The following LYN variants were observed in gnomAD, a reference collection of about 807,000 sequenced individuals.
LYN encodes the protein LYN proto-oncogene, Src family tyrosine kinase.
LYN carries 12 observed loss-of-function variants against 65.0 expected under a neutral mutation model. That is an observed-to-expected ratio of 0.18 (90% CI 0.12 to 0.30). The LOEUF is 0.30. LYN is among the 10% of genes least tolerant of loss of function. The probability of loss-of-function intolerance (pLI) is 1.00; values close to 1 mark genes in which losing one functional copy is unlikely to be tolerated. For synonymous variants in LYN, 222 were observed against 221.2 expected (o/e 1.00, Z -0.03); for missense variants, 380 against 623.2 (o/e 0.61, Z 4.16).
At position 56,007,742 on chromosome 8, in the gene LYN, G is replaced by A. The variant is rs78151910; in HGVS notation, c.1337-2166G>A. Among the ~76,000 whole-genome samples the A allele has an allele frequency of 7.7e-3, 1,173 of 152,268 alleles. 13 individuals carry two copies. Among genetic ancestry groups the A allele is most frequent in the African/African-American group, 0.022 (919 of 41,542 alleles). On this transcript the variant is annotated intron_variant, in intron 12 of 12. Coordinates refer to ENST00000519728, the MANE Select transcript of LYN (RefSeq NM_002350.4). Reference sequence around the variant, plus strand: ...AACCTACTCTGTACATAAAGCAAACGTTTCATAAAACCATATTGACCTTTC... The same window carrying A: ...AACCTACTCTGTACATAAAGCAAACATTTCATAAAACCATATTGACCTTTC...
chr8:55,912,616 A>G (rs969550590), intron 1 of LYN, among the ~76,000 whole-genome samples: 2 of 151,920 alleles, frequency 1.3e-5, no homozygotes, highest in East Asian at 3.9e-4. Flanking sequence ...AATCCCAGCT[A>G]CTCAGGAGGC....
intron 8 of LYN, among the ~76,000 whole-genome samples, chr8:55,957,431 A>G (rs981595908): frequency 2.0e-5 from 3 of 152,332 alleles, no homozygotes; most frequent in South Asian, 2.1e-4. Context: ...AGAAATGTAG[A>G]GGGAGGTTAA....
Position 55,879,950 on chromosome 8 carries a change from C to T in LYN, c.-159C>T, listed in dbSNP as rs1416568898. On this transcript the variant is annotated 5_prime_UTR_variant, in exon 1 of 13. Coordinates refer to ENST00000519728, the MANE Select transcript of LYN (RefSeq NM_002350.4). ...GCAAGCGGGGCGGCCGCGCCACCCC[C>T]GGCCCCGCGCCAGCAGCCCCTCGCC... The T allele has an allele frequency of 9.0e-6, 2 of 221,154 alleles. No individual in the cohort carries two copies. The highest frequency in any genetic ancestry group is 1.1e-4 in the Admixed American group (2 of 18,746). 13.7% of individuals were successfully genotyped at this position (221,154 alleles called of 1,614,324 possible).
intron 12 of LYN, among the ~76,000 whole-genome samples, chr8:56,001,500 A>T (rs1808510503): frequency 1.3e-5 from 2 of 152,150 alleles, no homozygotes; most frequent in Admixed American, 1.3e-4. Flanking sequence ...GGCAGGGACC[A>T]GTTGGCAGCT....
intron 2 of LYN, among the ~76,000 whole-genome samples, chr8:55,942,823 A>T (rs768711450): frequency 6.6e-6 from 1 of 150,590 alleles, no homozygotes; most frequent in Non-Finnish European, 1.5e-5. Context: ...AGATTAGCTC[A>T]GTGGTTTAGA....
chr8:55,998,198 GCCATTAC>G, intron 10 of LYN, 141 bp from the exon 11 acceptor site: 1 of 520,244 alleles, frequency 1.9e-6, no homozygotes, highest in Non-Finnish European at 3.4e-6. Context: ...AATGGTGATT[GCCATTAC>G]CCACTGTCTT....
At chr8:55,938,517 T>C (rs1167650127) in intron 1 of LYN, among the ~76,000 whole-genome samples, 1 of 152,246 alleles carries the variant, frequency 6.6e-6, no homozygotes, top group East Asian at 1.9e-4. Context: ...ATGACGTCCC[T>C]GGCCCTTCTT....
chr8:55,951,902 T>C, intron 6 of LYN, 64 bp from the exon 7 acceptor site: 2 of 1,335,406 alleles, frequency 1.5e-6, no homozygotes, highest in East Asian at 4.7e-5. Context: ...TGTACTGCAG[T>C]TGTTGTATAA....
intron 1 of LYN, among the ~76,000 whole-genome samples, chr8:55,935,114 G>A (rs1016796085): frequency 5.3e-5 from 8 of 152,104 alleles, no homozygotes; most frequent in South Asian, 4.1e-4. Flanking sequence ...TCCCGGCACC[G>A]AAACAGCATT....
intron 8 of LYN, among the ~76,000 whole-genome samples, chr8:55,956,811 C>T (rs1807130185): frequency 6.6e-6 from 1 of 152,116 alleles, no homozygotes; most frequent in Non-Finnish European, 1.5e-5. Flanking sequence ...AAACCAGGAT[C>T]GCAATCACAC....
At chr8:55,897,332 C>T (rs1805143722) in intron 1 of LYN, among the ~76,000 whole-genome samples, 2 of 152,142 alleles carry the variant, frequency 1.3e-5, no homozygotes, top group Admixed American at 6.5e-5. Context: ...CTTCCCTCCT[C>T]CTCATAATAA....
intron 10 of LYN, among the ~76,000 whole-genome samples, chr8:55,988,880 G>GA (rs561858676): frequency 0.017 from 2,356 of 142,184 alleles, 46 homozygotes; most frequent in African/African-American, 0.052. Context: ...TCATTAAAGT[G>GA]AAAAAAAAAA....
At position 56,010,379 on chromosome 8, in the gene LYN, T is replaced by TTTTTTTAA; in HGVS notation, c.*270_*271insTTTTTAAT. On this transcript the variant is annotated 3_prime_UTR_variant, in exon 13 of 13. Transcript: ENST00000519728. The stretch of plus-strand genomic sequence containing the variant: ...CTTGACAACATCTGAGTGCAGCCGT[T>TTTTTTTAA]TGAGAAGAAAACATCTATTCTCTCC... The TTTTTTTAA allele has an allele frequency of 2.2e-6, 1 of 445,928 alleles. No individual in the cohort carries two copies. The highest frequency in any genetic ancestry group is 4.1e-6 in the Non-Finnish European group (1 of 242,542). 27.6% of individuals were successfully genotyped at this position (445,928 alleles called of 1,614,324 possible).
chr8:55,928,966 G>A (rs1349355673), intron 1 of LYN, among the ~76,000 whole-genome samples: 2 of 152,026 alleles, frequency 1.3e-5, no homozygotes, highest in Non-Finnish European at 2.9e-5. Context: ...TGTAAGATCC[G>A]GGTCTAGATT....
intron 7 of LYN, among the ~76,000 whole-genome samples, chr8:55,952,495 G>C (rs1213771030): frequency 6.6e-6 from 1 of 152,216 alleles, no homozygotes; most frequent in Non-Finnish European, 1.5e-5. Flanking sequence ...AGGAGGCGGA[G>C]ATTGCAGTGA....
chr8:55,903,069 G>A (rs570990602), intron 1 of LYN, among the ~76,000 whole-genome samples: 1 of 152,164 alleles, frequency 6.6e-6, no homozygotes, highest in Non-Finnish European at 1.5e-5. Context: ...GGCTGGTCTC[G>A]AACTCCTGAC....
At chr8:55,988,175 A>G (rs568411618) in intron 10 of LYN, among the ~76,000 whole-genome samples, 8 of 152,278 alleles carry the variant, frequency 5.3e-5, no homozygotes, top group African/African-American at 1.7e-4. Context: ...TGGGGAATCA[A>G]TGAATATTAA....
chr8:55,964,573 A>C (rs1476505617), intron 8 of LYN, among the ~76,000 whole-genome samples: 1 of 152,208 alleles, frequency 6.6e-6, no homozygotes, highest in Non-Finnish European at 1.5e-5. Flanking sequence ...ATTTTTTAAA[A>C]AGTACATACT....
At chr8:55,970,335 A>G (rs1259217674) in intron 10 of LYN, among the ~76,000 whole-genome samples, 1 of 152,152 alleles carries the variant, frequency 6.6e-6, no homozygotes. Flanking sequence ...CTGTTTATTT[A>G]CTTTGGAATC....
Sources: gnomAD v4.1 joint callset for allele counts (sites outside exome capture counted in the v4.1 genomes callset) on GRCh38, gnomAD v4.1.1 for gene constraint, MANE v1.5 for transcripts, NCBI Gene and HGNC (gene_info 2026-07-23, HGNC 2026-07-21) for gene names.